The following IRAK1BP1 variants were observed in gnomAD, a reference collection of about 807,000 sequenced individuals.
IRAK1BP1 encodes interleukin 1 receptor associated kinase 1 binding protein 1.
Under a neutral mutation model 28.0 loss-of-function variants are expected in IRAK1BP1, and 24 were observed. That is an observed-to-expected ratio of 0.86 (90% CI 0.62 to 1.20). IRAK1BP1 has a LOEUF of 1.20. Among genes scored for constraint, IRAK1BP1 ranks in the 50% most tolerant of loss-of-function variants. The pLI is 0.00. For missense variants in IRAK1BP1, 336 were observed against 316.7 expected (o/e 1.06, Z -0.46); for synonymous variants, 131 against 116.3 (o/e 1.13, Z -0.81).
chr6:78,874,226 C>A (rs897221883), intron 1 of IRAK1BP1, among the ~76,000 whole-genome samples: 1 of 152,162 alleles, frequency 6.6e-6, no homozygotes, highest in Non-Finnish European at 1.5e-5. Flanking sequence ...AAATGCCAGA[C>A]CAATTAGCTT....
chr6:78,962,217 A>G, the IRAK1BP1 span, among the ~76,000 whole-genome samples: 1 of 152,072 alleles, frequency 6.6e-6, no homozygotes, highest in Non-Finnish European at 1.5e-5. Context: ...CTTTATCTCA[A>G]CTTTACATTA....
downstream of IRAK1BP1, among the ~76,000 whole-genome samples, chr6:78,906,290 A>G (rs1389807523): frequency 3.3e-5 from 5 of 152,180 alleles, no homozygotes; most frequent in Non-Finnish European, 7.3e-5. Flanking sequence ...AGATGAAACA[A>G]AGTGGACAAA....
the IRAK1BP1 span, among the ~76,000 whole-genome samples, chr6:78,979,266 A>G: frequency 5.9e-5 from 9 of 152,002 alleles, no homozygotes; most frequent in Non-Finnish European, 1.0e-4. Flanking sequence ...TACAAAGAGA[A>G]CTAACTAGAA....
intron 4 of IRAK1BP1, among the ~76,000 whole-genome samples, chr6:78,916,150 T>C (rs1206181451): frequency 6.6e-6 from 1 of 152,220 alleles, no homozygotes; most frequent in South Asian, 2.1e-4. Context: ...CCTATGTAGA[T>C]GAAGAGGCTA....
chr6:78,884,302 A>G (rs183591430), intron 1 of IRAK1BP1, among the ~76,000 whole-genome samples: 1 of 152,158 alleles, frequency 6.6e-6, no homozygotes, highest in African/African-American at 2.4e-5. Flanking sequence ...TGGCATAATC[A>G]TATATTGATT....
At chr6:78,933,573 C>T (rs984749419) in intron 4 of IRAK1BP1, among the ~76,000 whole-genome samples, 34 of 152,008 alleles carry the variant, frequency 2.2e-4, no homozygotes, top group Non-Finnish European at 4.7e-4. Flanking sequence ...TGAGATCGCA[C>T]TTTTGCACTC....
chr6:78,928,780 G>A (rs1772961390), intron 4 of IRAK1BP1, among the ~76,000 whole-genome samples: 1 of 152,044 alleles, frequency 6.6e-6, no homozygotes. Flanking sequence ...ATGATCATAT[G>A]GTTTTTGTTT....
chr6:78,882,460 T>TGACC (rs1771262935), intron 1 of IRAK1BP1, among the ~76,000 whole-genome samples: 1 of 152,230 alleles, frequency 6.6e-6, no homozygotes, highest in Admixed American at 6.5e-5. Context: ...TTTACCCAAG[T>TGACC]GACCAGTATT....
intron 1 of IRAK1BP1, chr6:78,871,615 G>T: frequency 2.4e-6 from 2 of 819,718 alleles, no homozygotes. Flanking sequence ...AAGTATGATG[G>T]TATTCGGAGG....
intron 1 of IRAK1BP1, among the ~76,000 whole-genome samples, chr6:78,882,183 G>T (rs564017341): frequency 6.6e-6 from 1 of 152,084 alleles, no homozygotes; most frequent in South Asian, 2.1e-4. Context: ...CTAGGACTGG[G>T]GCAAGGAAAC....
intron 4 of IRAK1BP1, among the ~76,000 whole-genome samples, chr6:78,927,985 G>T (rs893746592): frequency 6.6e-6 from 1 of 152,008 alleles, no homozygotes; most frequent in Non-Finnish European, 1.5e-5. Context: ...CTCCAGTTTT[G>T]TTCCTTTTAC....
chr6:78,938,468 CTAT>C (rs954757706), intron 4 of IRAK1BP1: 3 of 151,486 alleles, frequency 2.0e-5, no homozygotes, highest in Admixed American at 6.6e-5. Context: ...ATTTTATAGC[CTAT>C]TATTTTTTTC....
chr6:78,952,022 G>C, the IRAK1BP1 span, among the ~76,000 whole-genome samples: 1 of 151,980 alleles, frequency 6.6e-6, no homozygotes, highest in Non-Finnish European at 1.5e-5. Flanking sequence ...TTTTCTTTTT[G>C]ACTTTCAATT....
chr6:78,926,950 A>G (rs763627169), intron 4 of IRAK1BP1, among the ~76,000 whole-genome samples: 3 of 152,076 alleles, frequency 2.0e-5, no homozygotes, highest in Admixed American at 6.6e-5. Flanking sequence ...TCATTTGTTG[A>G]TGGACACTTA....
intron 4 of IRAK1BP1, among the ~76,000 whole-genome samples, chr6:78,908,303 A>G (rs527528977): frequency 6.6e-6 from 1 of 152,072 alleles, no homozygotes; most frequent in Non-Finnish European, 1.5e-5. Context: ...CACCCGCCTC[A>G]GCATCCCAAA....
intron 4 of IRAK1BP1, among the ~76,000 whole-genome samples, chr6:78,915,619 G>C (rs1772540248): frequency 6.6e-6 from 1 of 152,246 alleles, no homozygotes; most frequent in East Asian, 1.9e-4. Flanking sequence ...TTGGCCCAAG[G>C]ACTCCCCAAC....
At chr6:78,868,578 A>G (rs1369355393) in intron 1 of IRAK1BP1, among the ~76,000 whole-genome samples, 1 of 152,220 alleles carries the variant, frequency 6.6e-6, no homozygotes, top group African/African-American at 2.4e-5. Context: ...CACTAAACAA[A>G]TCTTACCTTA....
At chr6:78,933,337 G>T (rs1241465853) in intron 4 of IRAK1BP1, among the ~76,000 whole-genome samples, 3 of 152,160 alleles carry the variant, frequency 2.0e-5, no homozygotes, top group African/African-American at 7.2e-5. Context: ...CATGAACCAG[G>T]CCGGACGCGA....
chr6:78,937,355 T>C (rs1254689812), intron 4 of IRAK1BP1: 1 of 151,750 alleles, frequency 6.6e-6, no homozygotes, highest in Non-Finnish European at 1.5e-5. Flanking sequence ...TGAAAACATG[T>C]AAATGCTGCT....
Sources: allele counts gnomAD v4.1 joint callset (sites outside exome capture counted in the v4.1 genomes callset), GRCh38; gene constraint gnomAD v4.1.1; transcripts MANE v1.5; gene names NCBI Gene and HGNC (gene_info 2026-07-23, HGNC 2026-07-21).